The following DPF2 variants were observed in gnomAD, a reference collection of about 807,000 sequenced individuals.
DPF2 encodes the protein double PHD fingers 2.
A neutral mutation model predicts 59.6 loss-of-function variants in DPF2; 10 were observed. The observed-to-expected ratio is 0.17, with a 90% CI of 0.10 to 0.28. DPF2 has a LOEUF of 0.28. Ranked by LOEUF, DPF2 falls within the 10% of genes least tolerant of loss-of-function variation. The probability of loss-of-function intolerance (pLI) is 1.00; values close to 1 mark genes in which losing one functional copy is unlikely to be tolerated. For synonymous variants in DPF2, 189 were observed against 190.6 expected (o/e 0.99, Z 0.07); for missense variants, 315 against 509.4 (o/e 0.62, Z 3.67).
At chr11:65,349,723 G>T (rs1030113987) in intron 10 of DPF2, among the ~76,000 whole-genome samples, 8 of 151,884 alleles carry the variant, frequency 5.3e-5, no homozygotes, top group Admixed American at 2.0e-4. Context: ...GTGAACCCGG[G>T]AAGCGGAGCT....
rs1444722617 is a variant in DPF2, at chr11:65,352,216, C to T, written c.*457C>T. The T allele has an allele frequency of 5.3e-6, 1 of 189,562 alleles. No individual in the cohort carries two copies. Among genetic ancestry groups the T allele is most frequent in the East Asian group, 1.4e-4 (1 of 7,198 alleles). The allele number at this position is 189,562 out of a possible 1,614,324, so 11.7% of individuals were successfully genotyped here. On this transcript the variant is annotated 3_prime_UTR_variant, in exon 11 of 11. Transcript: ENST00000528416. ...AAGCTGAGGCCACGTCCACAAGGAG[C>T]TTTTCATGCCCCTGTGCCGCATAGC...
In DPF2 at chr11:65,334,052, GGGCAACA is replaced by G. The variant is rs569713858; in HGVS notation, c.32+137_32+143del. 199 of 1,293,992 alleles carry G rather than the reference GGGCAACA, an allele frequency of 1.5e-4. No individual in the cohort carries two copies. In the African/African-American group the frequency reaches 2.6e-3, roughly 17 times the overall value. The allele number at this position is 1,293,992 out of a possible 1,614,324, so 80.2% of individuals were successfully genotyped here. A position where few individuals can be genotyped will look rare whatever the true frequency, so the allele number is the denominator to read the frequency against. ...GCCATGTTGCGACTCCTGGTGGGGA[GGGCAACA>G]GGAGACTCCGGAGAAGACGTTGCGC... is the stretch of plus-strand genomic sequence containing the variant. On this transcript the variant is annotated intron_variant, in intron 1 of 10. Transcript: ENST00000528416.
intron 1 of DPF2, among the ~76,000 whole-genome samples, chr11:65,337,504 TAGAGAGAGAGAGAGAGAG>T (rs1188984367): frequency 4.2e-4 from 9 of 21,394 alleles, no homozygotes; most frequent in African/African-American, 1.7e-3. Flanking sequence ...TATATATATA[TAGAGAGAGAGAGAGAGAG>T]AGAGAGAGAG....
chr11:65,351,736 T>C lies in DPF2; in HGVS notation c.1153T>C (p.Tyr385His), dbSNP rs959363028. The C allele has an allele frequency of 1.2e-6, 2 of 1,613,464 alleles. No individual in the cohort carries two copies. Among genetic ancestry groups the C allele is most frequent in the African/African-American group, 2.7e-5 (2 of 74,932 alleles). Residue 385 changes from tyrosine (Y) to histidine (H), a missense_variant, in exon 11 of 11, where the codon TAC becomes CAC. By Grantham distance (83) the Tyr-to-His change is moderately conservative. This residue lies in a region of DPF2 where 27 missense variants were observed against 125.8 expected (regional missense o/e 0.21). Coordinates refer to ENST00000528416, the MANE Select transcript of DPF2 (RefSeq NM_006268.5). ...CCTGTTGAAAGAGAAAGCTTCCATC[T>C]ACCAGAACCAGAACTCCTCTTGATG... ...LDLLKEKASI[Y>H]QNQNSS
At chr11:65,341,280 T>C in intron 3 of DPF2, 119 bp from the exon 4 acceptor site, 1 of 1,446,294 alleles carries the variant, frequency 6.9e-7, no homozygotes, top group Non-Finnish European at 9.4e-7. Flanking sequence ...TCTTAATTCC[T>C]GGGCGTGCAG....
chr11:65,342,993 CAAA>C (rs755354439), intron 4 of DPF2, among the ~76,000 whole-genome samples: 1 of 94,186 alleles, frequency 1.1e-5, no homozygotes, highest in African/African-American at 3.9e-5. Context: ...GACTCCATCT[CAAA>C]AAAAAAAAAA....
rs576435120 is a variant in DPF2, at chr11:65,340,921, T to C, written c.194-45T>C. ...TTAGAAAGTGTTTGGTATTACTTTC[T>C]AATACTGGGTTAGGGCCTGACTTCT... On this transcript the variant is annotated intron_variant, in intron 2 of 10. Transcript: ENST00000528416. The C allele has an allele frequency of 8.0e-5, 127 of 1,586,792 alleles. 2 individuals carry two copies. In the South Asian group the frequency reaches 1.3e-3, roughly 16 times the overall value.
rs2137721342 is a variant in DPF2 at position 65,354,040 on chromosome 11, C to T, written c.*2281C>T. Among the ~76,000 whole-genome samples, 1 of 152,208 alleles carries T rather than the reference C, an allele frequency of 6.6e-6. No homozygotes were observed. Among genetic ancestry groups the T allele is most frequent in the East Asian group, 1.9e-4 (1 of 5,176 alleles). Reference sequence around the variant, plus strand: ...TCTTGGAGAGTTGGACAGTGTCAGCCGGTAGGACGGGGGTGCGGACGGAAG... The same window carrying T: ...TCTTGGAGAGTTGGACAGTGTCAGCTGGTAGGACGGGGGTGCGGACGGAAG... On this transcript the variant is annotated 3_prime_UTR_variant, in exon 11 of 11. Transcript: ENST00000528416.
Position 65,344,087 on chromosome 11 carries a change from G to T in DPF2, c.637+18G>T. On this transcript the variant is annotated intron_variant, in intron 6 of 10. Coordinates refer to ENST00000528416, the MANE Select transcript of DPF2 (RefSeq NM_006268.5). ...CTGTGACAGTGAGTGCCTCACAAGT[G>T]GGTGGGTAGACCTTGCCTTGGACCC... The T allele has an allele frequency of 6.2e-7, 1 of 1,613,700 alleles. No homozygotes were observed. Among genetic ancestry groups the T allele is most frequent in the South Asian group, 1.1e-5 (1 of 90,998 alleles).
intron 6 of DPF2, 109 bp from the exon 7 acceptor site, chr11:65,345,557 G>T: frequency 1.4e-6 from 2 of 1,480,058 alleles, no homozygotes; most frequent in Non-Finnish European, 1.8e-6. Flanking sequence ...GCTGCTAGGG[G>T]AAGGGATGGT....
chr11:65,340,553 T>A lies in DPF2; in HGVS notation c.193+8T>A. The stretch of plus-strand genomic sequence containing the variant: ...AGCGACACCGGGGTCCAGGTGAGGG[T>A]CCAGACTTGGGAGAAGGGGACTCAG... On this transcript the variant is annotated splice_region_variant and intron_variant, in intron 2 of 10. Coordinates refer to ENST00000528416, the MANE Select transcript of DPF2 (RefSeq NM_006268.5). 1 of 1,613,852 alleles carries A rather than the reference T, an allele frequency of 6.2e-7. No homozygotes were observed. The highest frequency in any genetic ancestry group is 8.5e-7 in the Non-Finnish European group (1 of 1,179,870).
At chr11:65,337,364 GAGGCAGAAGCTGCAGT>G (rs200300435) in intron 1 of DPF2, among the ~76,000 whole-genome samples, 1,797 of 148,270 alleles carry the variant, frequency 0.012, 28 homozygotes, top group African/African-American at 0.035. Flanking sequence ...TGGAACCCGG[GAGGCAGAAGCTGCAGT>G]AGGCAGAAGC....
rs753750062 is a variant in DPF2 at position 65,333,862 on chromosome 11, G to C, written c.-25G>C. 1.2e-6 allele frequency: 2 copies of C among 1,613,578 alleles called. No individual in the cohort carries two copies. Among genetic ancestry groups the C allele is most frequent in the Admixed American group, 1.7e-5 (1 of 60,002 alleles). ...CGCGCTGCGGACTGTGGGGCTTCTC[G>C]GCCCGAGGCAGAGGAACAGGGAAGA... is the stretch of plus-strand genomic sequence containing the variant. On this transcript the variant is annotated 5_prime_UTR_variant, in exon 1 of 11. Coordinates refer to ENST00000528416, the MANE Select transcript of DPF2 (RefSeq NM_006268.5).
intron 6 of DPF2, 114 bp downstream of exon 6, chr11:65,344,183 C>G (rs1854461962): frequency 4.7e-6 from 5 of 1,055,812 alleles, no homozygotes; most frequent in South Asian, 1.4e-5. Flanking sequence ...AACCTGGGCT[C>G]TTGTCCTGCC....
chr11:65,348,944 G>T lies in DPF2; in HGVS notation c.1099+13G>T, dbSNP rs758475381. 1 of 1,613,700 alleles carries T rather than the reference G, an allele frequency of 6.2e-7. No homozygotes were observed. Among genetic ancestry groups the T allele is most frequent in the South Asian group, 1.1e-5 (1 of 91,068 alleles). ...GAGCCCCCTGAAGGTAAGTTGCCCA[G>T]ATCTTTTACTCAGAACAATTACTTT... On this transcript the variant is annotated intron_variant, in intron 10 of 10. Transcript: ENST00000528416.
chr11:65,335,890 T>A (rs1350102167), intron 1 of DPF2, among the ~76,000 whole-genome samples: 2 of 152,144 alleles, frequency 1.3e-5, no homozygotes, highest in African/African-American at 4.8e-5. Flanking sequence ...CTTGGCTCAC[T>A]GCAACCTCCG....
intron 10 of DPF2, among the ~76,000 whole-genome samples, chr11:65,351,031 G>A: frequency 6.6e-6 from 1 of 151,624 alleles, no homozygotes. Flanking sequence ...GAGACTGTAT[G>A]TGGCTCACAC....
At chr11:65,348,740 A>T in intron 9 of DPF2, 110 bp from the exon 10 acceptor site, 2 of 980,370 alleles carry the variant, frequency 2.0e-6, no homozygotes, top group Non-Finnish European at 3.1e-6. Context: ...TAAGATTCTC[A>T]CATCTGTTCT....
intron 1 of DPF2, among the ~76,000 whole-genome samples, chr11:65,335,614 C>T (rs1311439566): frequency 6.6e-6 from 1 of 152,192 alleles, no homozygotes; most frequent in African/African-American, 2.4e-5. Context: ...CCAACTCTCT[C>T]CTCCTCATTT....
Sources: gnomAD v4.1 joint callset for allele counts (sites outside exome capture counted in the v4.1 genomes callset) on GRCh38, gnomAD v4.1.1 for gene constraint, gnomAD v4.1.1 regional missense constraint, MANE v1.5 for transcripts, NCBI Gene and HGNC (gene_info 2026-07-23, HGNC 2026-07-21) for gene names.